Variants in KAZN observed in about 807,000 individuals in gnomAD.
KAZN encodes the protein kazrin.
In KAZN, 40 loss-of-function variants were observed where a neutral mutation model predicts 87.4. The ratio of observed to expected loss-of-function variants is 0.46; its 90% CI spans 0.36 to 0.60. The LOEUF (loss-of-function observed/expected upper bound fraction) is 0.60, where lower values mean the gene tolerates loss of function less well. KAZN is among the 20% of genes least tolerant of loss of function. The probability of loss-of-function intolerance (pLI) is 0.00; values close to 1 mark genes in which losing one functional copy is unlikely to be tolerated. For missense variants in KAZN, 898 were observed against 1,073.9 expected (o/e 0.84, Z 2.29); for synonymous variants, 466 against 458.3 (o/e 1.02, Z -0.22).
chr1:14,932,363 C>G (rs1659937868), intron 1 of KAZN, among the ~76,000 whole-genome samples: 1 of 152,088 alleles, frequency 6.6e-6, no homozygotes, highest in South Asian at 2.1e-4. Flanking sequence ...CTACCTGTGT[C>G]AGCCAGACAG....
At position 15,060,559 on chromosome 1, in the gene KAZN, G is replaced by A. The variant is rs975011491; in HGVS notation, c.1047+257G>A. 8.1e-6 allele frequency: 4 copies of A among 496,734 alleles called. No individual in the cohort carries two copies. The Admixed American group carries it at 9.9e-5, about 12-fold the overall frequency. 30.8% of individuals were successfully genotyped at this position (496,734 alleles called of 1,614,324 possible). On this transcript the variant is annotated intron_variant, in intron 6 of 14. Coordinates refer to ENST00000376030, the MANE Select transcript of KAZN (RefSeq NM_201628.3). ...GGAAGCGGGCCTGGGTCGGCCGCAG[G>A]CACAGCCTGGAACTCTGCCCCAGTG...
chr1:14,861,898 G>A (rs1308023235), intron 1 of KAZN, among the ~76,000 whole-genome samples: 1 of 152,244 alleles, frequency 6.6e-6, no homozygotes, highest in African/African-American at 2.4e-5. Flanking sequence ...AGAGGGAGGG[G>A]AGCCAAGTAA....
intron 2 of KAZN, among the ~76,000 whole-genome samples, chr1:14,432,770 G>A (rs1226327760): frequency 6.6e-6 from 1 of 151,842 alleles, no homozygotes; most frequent in Non-Finnish European, 1.5e-5. Context: ...GTTCCTCTCC[G>A]TGTCCCTATG....
intron 1 of KAZN, among the ~76,000 whole-genome samples, chr1:14,895,480 C>CA (rs1235202895): frequency 6.6e-6 from 1 of 152,268 alleles, no homozygotes; most frequent in East Asian, 1.9e-4. Context: ...CAAGCCTCCA[C>CA]AGCCCATCCC....
At chr1:15,046,309 A>AAGCCCCCCAGCT (rs1673518746) in intron 4 of KAZN, among the ~76,000 whole-genome samples, 1 of 151,748 alleles carries the variant, frequency 6.6e-6, no homozygotes, top group Non-Finnish European at 1.5e-5. Context: ...AAAAAAAAAG[A>AAGCCCCCCAGCT]GAATCATAAG....
chr1:15,105,630 G>T (rs1375482844), intron 13 of KAZN, among the ~76,000 whole-genome samples: 1 of 151,872 alleles, frequency 6.6e-6, no homozygotes, highest in African/African-American at 2.4e-5. Context: ...TTGACCTTGG[G>T]GCTCTCTAAC....
chr1:14,547,538 C>T (rs1204955373), intron 2 of KAZN, among the ~76,000 whole-genome samples: 1 of 152,110 alleles, frequency 6.6e-6, no homozygotes, highest in African/African-American at 2.4e-5. Flanking sequence ...AAACAAGGTT[C>T]CCTGATGTAT....
chr1:14,567,481 G>A (rs1203847634), intron 2 of KAZN, among the ~76,000 whole-genome samples: 1 of 152,160 alleles, frequency 6.6e-6, no homozygotes, highest in African/African-American at 2.4e-5. Context: ...TGGAAAAATA[G>A]CACCAATAGA....
intron 1 of KAZN, among the ~76,000 whole-genome samples, chr1:14,163,467 A>G (rs7546077): frequency 0.17 from 26,535 of 152,116 alleles, 2,897 homozygotes; most frequent in East Asian, 0.33. Context: ...CATTGTGCAT[A>G]TCTTTCCCTT....
intron 1 of KAZN, among the ~76,000 whole-genome samples, chr1:14,734,130 C>T (rs1328432200): frequency 1.3e-5 from 2 of 152,100 alleles, no homozygotes; most frequent in African/African-American, 2.4e-5. Flanking sequence ...ACTAAGCCCT[C>T]GAGCCTGCCC....
chr1:14,582,696 T>C (rs1571981885), intron 2 of KAZN, among the ~76,000 whole-genome samples: 2 of 152,178 alleles, frequency 1.3e-5, no homozygotes, highest in Admixed American at 6.5e-5. Context: ...GGAAAAGAGA[T>C]TTGAGACTCT....
intron 1 of KAZN, among the ~76,000 whole-genome samples, chr1:14,159,298 C>A (rs922655130): frequency 6.6e-6 from 1 of 152,226 alleles, no homozygotes; most frequent in Non-Finnish European, 1.5e-5. Context: ...TGTACTGTAG[C>A]TGATCTGGCA....
At chr1:14,860,179 A>ATCTCTCTCTCTCTCTCTC in intron 1 of KAZN, among the ~76,000 whole-genome samples, 1 of 147,412 alleles carries the variant, frequency 6.8e-6, no homozygotes, top group Middle Eastern at 3.4e-3. Flanking sequence ...CTCTCTCTCT[A>ATCTCTCTCTCTCTCTCTC]GATCTCTCTC....
At chr1:14,181,560 T>TGTCTC (rs1646199050) in intron 2 of KAZN, among the ~76,000 whole-genome samples, 1 of 152,190 alleles carries the variant, frequency 6.6e-6, no homozygotes, top group Non-Finnish European at 1.5e-5. Context: ...GTCTCACCTG[T>TGTCTC]CAATGCCTGA....
intron 1 of KAZN, among the ~76,000 whole-genome samples, chr1:14,718,709 C>T (rs1349542313): frequency 6.6e-6 from 1 of 152,148 alleles, no homozygotes; most frequent in Non-Finnish European, 1.5e-5. Context: ...ATGTCACTGG[C>T]CTTCTGGATC....
At chr1:15,063,475 A>G in intron 6 of KAZN, 97 bp from the exon 7 acceptor site, 1 of 1,024,966 alleles carries the variant, frequency 9.8e-7, no homozygotes, top group African/African-American at 1.6e-5. Context: ...GAGAGATGGC[A>G]TCCTTCCACG....
intron 1 of KAZN, among the ~76,000 whole-genome samples, chr1:14,798,234 C>T (rs1031788365): frequency 1.3e-5 from 2 of 152,066 alleles, no homozygotes; most frequent in Non-Finnish European, 2.9e-5. Context: ...GCTATCTTTA[C>T]GTTGCTTGCC....
intron 2 of KAZN, among the ~76,000 whole-genome samples, chr1:14,419,749 A>G (rs757222384): frequency 6.6e-6 from 1 of 151,616 alleles, no homozygotes. Flanking sequence ...AGGACTCTTA[A>G]GGCGGTGCGT....
chr1:14,048,841 A>G (rs911123263), intron 1 of KAZN, among the ~76,000 whole-genome samples: 1 of 152,188 alleles, frequency 6.6e-6, no homozygotes, highest in Non-Finnish European at 1.5e-5. Context: ...CTGAGGAATC[A>G]CCACACTGAC....
Sources: gnomAD v4.1 joint callset for allele counts (sites outside exome capture counted in the v4.1 genomes callset) on GRCh38, gnomAD v4.1.1 for gene constraint, MANE v1.5 for transcripts, NCBI Gene and HGNC (gene_info 2026-07-23, HGNC 2026-07-21) for gene names.